PCDH15: variants seen among roughly 807,000 people sequenced by gnomAD.
The protein encoded by PCDH15 is protocadherin-15.
PCDH15 carries 129 observed loss-of-function variants against 178.5 expected under a neutral mutation model. That is an observed-to-expected ratio of 0.72 (90% confidence interval 0.63 to 0.84). The LOEUF (loss-of-function observed/expected upper bound fraction) is 0.84. PCDH15 is among the 40% of genes least tolerant of loss of function. The pLI is 0.00. For synonymous variants in PCDH15, 800 were observed against 732.0 expected, an observed-to-expected ratio of 1.09 and a Z score of -1.50; for missense variants, 2,230 against 2,099.9, an observed-to-expected ratio of 1.06 and a Z score of -1.21.
At chr10:54,995,231 C>T (rs1295383738) in intron 2 of PCDH15, among the ~76,000 whole-genome samples, 2 of 151,754 alleles carry the variant, frequency 1.3e-5, no homozygotes, top group African/African-American at 2.4e-5. Context: ...CAAAAATTAG[C>T]CAAGTGTGGT....
At chr10:53,848,509 ATCTT>A (rs1404045319) in intron 28 of PCDH15, among the ~76,000 whole-genome samples, 3 of 152,060 alleles carry the variant, frequency 2.0e-5, no homozygotes, top group Non-Finnish European at 4.4e-5. Context: ...TAACCGCTCA[ATCTT>A]TCTTTGCTTT....
At chr10:55,225,753 C>T (rs774884662) in intron 1 of PCDH15, among the ~76,000 whole-genome samples, 1 of 151,738 alleles carries the variant, frequency 6.6e-6, no homozygotes, top group Non-Finnish European at 1.5e-5. Context: ...AGTTAGATCC[C>T]CAAATTTTCT....
intron 3 of PCDH15, among the ~76,000 whole-genome samples, chr10:54,399,506 A>G (rs987651529): frequency 6.6e-6 from 1 of 152,100 alleles, no homozygotes; most frequent in African/African-American, 2.4e-5. Context: ...ATTTAGAGAA[A>G]TTAGTTGAAG....
rs889257402 is a variant in PCDH15 at position 53,806,290 on chromosome 10, T to G, written c.*289A>C. On this transcript the variant is annotated 3_prime_UTR_variant, in exon 38 of 38. Coordinates refer to ENST00000644397, the MANE Select transcript of PCDH15 (RefSeq NM_001384140.1). ...AATATAAATGATTATTTAGTAATTATTTCTTGTTTATTAAAATGAACAAAA... is the reference window on the plus strand; with the variant it reads ...AATATAAATGATTATTTAGTAATTAGTTCTTGTTTATTAAAATGAACAAAA... The G allele has an allele frequency of 3.6e-6, 1 of 277,054 alleles. No individual in the cohort carries two copies. The highest frequency in any genetic ancestry group is 2.2e-5 in the African/African-American group (1 of 45,340). The allele number at this position is 277,054 out of a possible 1,614,324, so 17.2% of individuals were successfully genotyped here.
intron 13 of PCDH15, among the ~76,000 whole-genome samples, chr10:54,171,983 C>T (rs2046960717): frequency 6.6e-6 from 1 of 151,324 alleles, no homozygotes; most frequent in African/African-American, 2.4e-5. Flanking sequence ...ATACCACCCC[C>T]CAAAAATTTT....
chr10:54,797,449 C>T (rs1952148588), intron 1 of PCDH15, among the ~76,000 whole-genome samples: 1 of 151,286 alleles, frequency 6.6e-6, no homozygotes, highest in East Asian at 2.0e-4. Context: ...TTGTCCATTA[C>T]AGTGCTCAGA....
At chr10:54,731,543 TAG>T (rs369968742) in intron 1 of PCDH15, among the ~76,000 whole-genome samples, 1,544 of 27,906 alleles carry the variant, frequency 0.055, 90 homozygotes, top group East Asian at 0.1. Context: ...AAATGTGAGA[TAG>T]ATATATATAT....
intron 32 of PCDH15, among the ~76,000 whole-genome samples, chr10:53,826,340 T>TAACA (rs1267607648): frequency 6.6e-6 from 1 of 152,034 alleles, no homozygotes; most frequent in African/African-American, 2.4e-5. Flanking sequence ...AAACCTTGTA[T>TAACA]AACATTATTA....
At chr10:54,465,171 ATTT>A (rs1026038697) in intron 3 of PCDH15, among the ~76,000 whole-genome samples, 3 of 152,024 alleles carry the variant, frequency 2.0e-5, no homozygotes, top group African/African-American at 7.2e-5. Flanking sequence ...GGGACATGTG[ATTT>A]TTTTGTTACA....
chr10:53,817,527 C>CTTT (rs568238130), intron 34 of PCDH15, among the ~76,000 whole-genome samples: 3 of 95,158 alleles, frequency 3.2e-5, no homozygotes, highest in Admixed American at 1.1e-4. Context: ...TTTTTTTTTT[C>CTTT]TTTTTTTTTT....
Position 53,831,390 on chromosome 10 carries a change from GC to G in PCDH15, c.4126del (p.Ala1376ProfsTer92). The G allele has an allele frequency of 6.2e-7, 1 of 1,614,048 alleles. No individual in the cohort carries two copies. Among genetic ancestry groups the G allele is most frequent in the African/African-American group, 1.3e-5 (1 of 75,012 alleles). ...RGESLGYTEGALLALAFIIIL... is the reference protein window; with the variant it reads ...RGESLGYTEGXLLALAFIIIL... ...GATGATGAAGGCCAGAGCCAACAAG[GC>G]CCCTTCTGTGTATCCTAGACTTTCT... On this transcript the variant is annotated frameshift_variant, in exon 30 of 38. Transcript: ENST00000644397. LOFTEE classifies it high-confidence loss of function.
chr10:54,330,994 A>G (rs857397), intron 6 of PCDH15, among the ~76,000 whole-genome samples: 110,939 of 151,160 alleles, frequency 0.73, 41,777 homozygotes, highest in African/African-American at 0.85. Context: ...GAAAAATGAG[A>G]GGAAAAGGCA....
chr10:54,714,135 TAGAA>T (rs1465097337), intron 1 of PCDH15, among the ~76,000 whole-genome samples: 1 of 152,110 alleles, frequency 6.6e-6, no homozygotes, highest in African/African-American at 2.4e-5. Context: ...ATACAGGACT[TAGAA>T]AGAACAATGT....
At chr10:54,183,906 A>C (rs2048242378) in intron 12 of PCDH15, among the ~76,000 whole-genome samples, 2 of 152,184 alleles carry the variant, frequency 1.3e-5, no homozygotes, top group South Asian at 2.1e-4. Context: ...GTTAACTACA[A>C]TTTAATCCTT....
chr10:55,181,877 G>A (rs1328127538), intron 1 of PCDH15, among the ~76,000 whole-genome samples: 1 of 151,940 alleles, frequency 6.6e-6, no homozygotes, highest in African/African-American at 2.4e-5. Context: ...AGATGTCTCA[G>A]AAGAAAATTT....
At chr10:54,810,801 C>A (rs1057456019) in intron 3 of PCDH15, among the ~76,000 whole-genome samples, 1 of 152,034 alleles carries the variant, frequency 6.6e-6, no homozygotes, top group Non-Finnish European at 1.5e-5. Context: ...TAGCTGAATT[C>A]TGAATCAAAT....
intron 2 of PCDH15, among the ~76,000 whole-genome samples, chr10:55,057,037 A>G (rs1258267787): frequency 6.6e-6 from 1 of 152,158 alleles, no homozygotes; most frequent in African/African-American, 2.4e-5. Context: ...GTAAGTTTCC[A>G]TTAATATATT....
At position 54,421,690 on chromosome 10, in the gene PCDH15, A is replaced by ATATATATATG. The variant is rs1301759947; in HGVS notation, c.158-42749_158-42748insCATATATATA. On this transcript the variant is annotated intron_variant, in intron 3 of 37. Transcript: ENST00000644397. ...TATATACATATATATATATATATAT[A>ATATATATATG]TATACACACACACACACACACTATA... is the stretch of plus-strand genomic sequence containing the variant. 7.1e-3 allele frequency among the ~76,000 whole-genome samples: 791 copies of ATATATATATG among 110,886 alleles called. 29 individuals are homozygous for ATATATATATG. The highest frequency in any genetic ancestry group is 0.022 in the Middle Eastern group (4 of 180). The allele number at this position is 110,886 out of a possible 152,430, so 72.7% of individuals were successfully genotyped here. A position where few individuals can be genotyped will look rare whatever the true frequency, so the allele number is the denominator to read the frequency against.
In PCDH15 at chr10:53,806,304, A is replaced by C; in HGVS notation, c.*275T>G. The C allele has an allele frequency of 3.2e-6, 1 of 310,900 alleles. No individual in the cohort carries two copies. Among genetic ancestry groups the C allele is most frequent in the Middle Eastern group, 9.9e-4 (1 of 1,012 alleles). The allele number at this position is 310,900 out of a possible 1,614,324, so 19.3% of individuals were successfully genotyped here. ...TTTAGTAATTATTTCTTGTTTATTA[A>C]AATGAACAAAAATTCAAGACCCAAC... On this transcript the variant is annotated 3_prime_UTR_variant, in exon 38 of 38. Coordinates refer to ENST00000644397, the MANE Select transcript of PCDH15 (RefSeq NM_001384140.1).
Sources: allele counts gnomAD v4.1 joint callset (sites outside exome capture counted in the v4.1 genomes callset), GRCh38; gene constraint gnomAD v4.1.1; transcripts MANE v1.5; gene names NCBI Gene and HGNC (gene_info 2026-07-23, HGNC 2026-07-21).